The following ACP3 variants were observed in gnomAD, a reference collection of about 807,000 sequenced individuals.
The protein encoded by ACP3 is prostatic acid phosphatase.
Under a neutral mutation model 45.6 loss-of-function variants are expected in ACP3, and 38 were observed. That is an observed-to-expected ratio of 0.83 (90% CI 0.64 to 1.09). ACP3 has a LOEUF of 1.09. Among genes scored for constraint, ACP3 ranks in the 50% least tolerant of loss-of-function variants. ACP3 has a pLI of 0.00. For synonymous variants in ACP3, 162 were observed against 164.7 expected (o/e 0.98, Z 0.13); for missense variants, 466 against 463.2 (o/e 1.01, Z -0.05).
Position 132,358,723 on chromosome 3 carries a change from T to G in ACP3, c.*1845T>G. 1 of 994,576 alleles carries G rather than the reference T, an allele frequency of 1.0e-6. No homozygotes were observed. The highest frequency in any genetic ancestry group is 1.2e-6 in the Non-Finnish European group (1 of 834,852). 61.6% of individuals were successfully genotyped at this position (994,576 alleles called of 1,614,324 possible). A position where few individuals can be genotyped will look rare whatever the true frequency, so the allele number is the denominator to read the frequency against. ...CTGTCTTCTAGCAGTGAGCCAAATG[T>G]AAAATAGTGAATAAAGTCATTATTA... On this transcript the variant is annotated 3_prime_UTR_variant, in exon 10 of 10. Transcript: ENST00000336375.
Position 132,357,786 on chromosome 3 carries a change from C to G in ACP3, c.*908C>G. 2.0e-6 allele frequency: 2 copies of G among 975,768 alleles called. No homozygotes were observed. Among genetic ancestry groups the G allele is most frequent in the Non-Finnish European group, 2.4e-6 (2 of 821,184 alleles). 60.4% of individuals were successfully genotyped at this position (975,768 alleles called of 1,614,324 possible). On this transcript the variant is annotated 3_prime_UTR_variant, in exon 10 of 10. Transcript: ENST00000336375. ...TGGTGGTTTACGCCTATAATCCCAG[C>G]ATTTTGGGAGTCCGAGGTGGGCAGA...
At chr3:132,355,506 T>C (rs111493670) in intron 9 of ACP3, among the ~76,000 whole-genome samples, 7 of 45,422 alleles carry the variant, frequency 1.5e-4, no homozygotes, top group Admixed American at 7.1e-4. Context: ...TTTATTTTAT[T>C]TTATTTTTAT....
chr3:132,320,760 C>T (rs747330646), intron 1 of ACP3, among the ~76,000 whole-genome samples: 2 of 151,620 alleles, frequency 1.3e-5, no homozygotes, highest in Non-Finnish European at 2.9e-5. Context: ...AAGTGATTCT[C>T]CAGTCTCAGC....
At chr3:132,318,699 A>G (rs1296943090) in intron 1 of ACP3, among the ~76,000 whole-genome samples, 1 of 144,036 alleles carries the variant, frequency 6.9e-6, no homozygotes, top group Non-Finnish European at 1.5e-5. Context: ...ACTTCTGTGC[A>G]GAAAAAAAAT....
In ACP3 at chr3:132,357,291, A is replaced by C. The variant is rs181128421; in HGVS notation, c.*413A>C. On this transcript the variant is annotated 3_prime_UTR_variant, in exon 10 of 10. Coordinates refer to ENST00000336375, the MANE Select transcript of ACP3 (RefSeq NM_001099.5). ...GAAATGGAACAGATTTCAAAAAAAA[A>C]CCCCACAATCTAGGATGGGAACAAG... is the stretch of plus-strand genomic sequence containing the variant. 7.1e-5 allele frequency: 70 copies of C among 986,832 alleles called. No individual in the cohort carries two copies. In the East Asian group the frequency reaches 2.3e-3, roughly 32 times the overall value. 61.1% of individuals were successfully genotyped at this position (986,832 alleles called of 1,614,324 possible). A position where few individuals can be genotyped will look rare whatever the true frequency, so the allele number is the denominator to read the frequency against.
In ACP3 at chr3:132,344,930, G is replaced by C; in HGVS notation, c.652G>C (p.Val218Leu). The part of the protein sequence containing the change: ...KVYDPLYCES[V>L]HNFTLPSWAT... ...TCTTCCTTTTTCTTTGCTACAGAGT[G>C]TTCACAATTTCACTTTACCCTCCTG... Residue 218 changes from valine (V) to leucine (L), a missense_variant, in exon 7 of 10, where the codon GTT (valine) becomes CTT (leucine). Val to Leu is a conservative substitution (Grantham distance 32). Coordinates refer to ENST00000336375, the MANE Select transcript of ACP3 (RefSeq NM_001099.5). 6.2e-7 allele frequency: 1 copy of C among 1,613,578 alleles called. No homozygotes were observed.
chr3:132,342,982 T>C (rs920476877), intron 6 of ACP3, among the ~76,000 whole-genome samples: 2 of 152,168 alleles, frequency 1.3e-5, no homozygotes, highest in African/African-American at 4.8e-5. Context: ...TCCTTGGTCT[T>C]AATGAAAAAA....
downstream of ACP3, among the ~76,000 whole-genome samples, chr3:132,359,150 G>T (rs953734806): frequency 6.6e-6 from 1 of 152,202 alleles, no homozygotes; most frequent in African/African-American, 2.4e-5. Context: ...GAGTTATCCA[G>T]ATTTGGAGTA....
At chr3:132,347,531 G>C (rs564851273) in intron 7 of ACP3, among the ~76,000 whole-genome samples, 93 of 152,192 alleles carry the variant, frequency 6.1e-4, no homozygotes, top group African/African-American at 2.0e-3. Context: ...CCAGGCTGGA[G>C]TGCAGCAGCA....
intron 5 of ACP3, among the ~76,000 whole-genome samples, chr3:132,340,438 T>C (rs902267920): frequency 1.3e-5 from 2 of 152,198 alleles, no homozygotes; most frequent in Non-Finnish European, 2.9e-5. Context: ...TCTGTATCAA[T>C]GTATTCTTAT....
chr3:132,365,950 A>T (rs1405850456), intron 10 of ACP3, among the ~76,000 whole-genome samples: 1 of 152,028 alleles, frequency 6.6e-6, no homozygotes, highest in African/African-American at 2.4e-5. Flanking sequence ...AGATGGTGCC[A>T]CTGCACTCCA....
intron 1 of ACP3, among the ~76,000 whole-genome samples, chr3:132,325,993 T>C (rs1048419943): frequency 1.3e-5 from 2 of 152,224 alleles, no homozygotes; most frequent in Non-Finnish European, 2.9e-5. Flanking sequence ...CCGTTGTGGT[T>C]ATAGGTTGGT....
Position 132,344,974 on chromosome 3 carries a change from G to C in ACP3, c.696G>C (p.Met232Ile). The C allele has an allele frequency of 6.2e-7, 1 of 1,613,902 alleles. No individual in the cohort carries two copies. The highest frequency in any genetic ancestry group is 8.5e-7 in the Non-Finnish European group (1 of 1,179,914). ...TLPSWATEDT[M>I]TKLRELSELS... ...CCTCCTGGGCCACTGAGGACACCAT[G>C]ACTAAGTTGAGAGAATTGTCAGAAT... is the stretch of plus-strand genomic sequence containing the variant. The change falls in exon 7 of 10, where the codon ATG (methionine) becomes ATC (isoleucine). Residue 232 changes from methionine to isoleucine, a missense_variant. Physicochemically the swap from Met to Ile is conservative, Grantham distance 10 (BLOSUM62 1). Coordinates refer to ENST00000336375, the MANE Select transcript of ACP3 (RefSeq NM_001099.5).
At chr3:132,341,004 A>T (rs981289058) in intron 5 of ACP3, among the ~76,000 whole-genome samples, 3 of 152,318 alleles carry the variant, frequency 2.0e-5, no homozygotes, top group African/African-American at 7.2e-5. Context: ...AGAATATGGT[A>T]CATGTTCCTA....
intron 6 of ACP3, among the ~76,000 whole-genome samples, chr3:132,343,578 G>A (rs1937575264): frequency 6.6e-6 from 1 of 151,860 alleles, no homozygotes; most frequent in African/African-American, 2.4e-5. Context: ...TCCAAAATGT[G>A]GTCATGTCAT....
At chr3:132,333,009 A>G (rs1468054777) in intron 4 of ACP3, among the ~76,000 whole-genome samples, 1 of 152,176 alleles carries the variant, frequency 6.6e-6, no homozygotes, top group African/African-American at 2.4e-5. Flanking sequence ...TTTCTTCCCT[A>G]TAAAATCATG....
Position 132,353,211 on chromosome 3 carries a change from T to C in ACP3, c.968+388T>C, listed in dbSNP as rs7625322. Among the ~76,000 whole-genome samples, 963 of 152,346 alleles carry C rather than the reference T, an allele frequency of 6.3e-3. 7 individuals carry two copies. The highest frequency in any genetic ancestry group is 0.022 in the African/African-American group (906 of 41,572). ...TTCATTCAGCTTCTGATGATTCATATCCACAAGTCAAGATTCTTAAAGTAC... is the reference window on the plus strand; with the variant it reads ...TTCATTCAGCTTCTGATGATTCATACCCACAAGTCAAGATTCTTAAAGTAC... On this transcript the variant is annotated intron_variant, in intron 9 of 9. Transcript: ENST00000336375.
At chr3:132,350,738 T>C (rs1937710665) in intron 8 of ACP3, among the ~76,000 whole-genome samples, 1 of 152,198 alleles carries the variant, frequency 6.6e-6, no homozygotes, top group Non-Finnish European at 1.5e-5. Context: ...GCTGCTTCTT[T>C]GTTTAATTGT....
chr3:132,360,918 G>C (rs957879113), downstream of ACP3, among the ~76,000 whole-genome samples: 1 of 152,156 alleles, frequency 6.6e-6, no homozygotes, highest in Non-Finnish European at 1.5e-5. Context: ...TTTGCTAACT[G>C]AATACATGTC....
Sources: allele counts gnomAD v4.1 joint callset (sites outside exome capture counted in the v4.1 genomes callset), GRCh38; gene constraint gnomAD v4.1.1; transcripts MANE v1.5; gene names NCBI Gene and HGNC (gene_info 2026-07-23, HGNC 2026-07-21).